BABAM2: variants seen among roughly 807,000 people sequenced by gnomAD.
BABAM2 encodes BRISC and BRCA1 A complex member 2.
BABAM2 carries 31 observed loss-of-function variants against 54.7 expected under a neutral mutation model. The observed-to-expected ratio is 0.57, with a 90% CI of 0.43 to 0.77. The LOEUF is 0.77. Ranked by LOEUF, BABAM2 falls within the 30% of genes least tolerant of loss-of-function variation. BABAM2 has a pLI of 0.00. For missense variants in BABAM2, 364 were observed against 455.8 expected, an observed-to-expected ratio of 0.80 and a Z score of 1.83; for synonymous variants, 167 against 162.9, an observed-to-expected ratio of 1.03 and a Z score of -0.19.
At chr2:27,917,935 AAATT>A (rs996955950) in intron 2 of BABAM2, among the ~76,000 whole-genome samples, 2 of 152,168 alleles carry the variant, frequency 1.3e-5, no homozygotes, top group African/African-American at 4.8e-5. Context: ...CTTTTGTCGT[AAATT>A]AAGTGTCCAG....
chr2:28,215,711 C>A (rs947780807), intron 7 of BABAM2, among the ~76,000 whole-genome samples: 1 of 152,154 alleles, frequency 6.6e-6, no homozygotes, highest in Admixed American at 6.6e-5. Flanking sequence ...CTTTCTCACT[C>A]CCTGTTTTTT....
At position 28,232,973 on chromosome 2, in the gene BABAM2, CT is replaced by C. The variant is rs147181744; in HGVS notation, c.681-4228del. 7.2e-3 allele frequency among the ~76,000 whole-genome samples: 1,095 copies of C among 152,306 alleles called. 8 individuals carry two copies. Among genetic ancestry groups the C allele is most frequent in the African/African-American group, 0.025 (1,040 of 41,562 alleles). On this transcript the variant is annotated intron_variant, in intron 7 of 11. Coordinates refer to ENST00000379624, the MANE Select transcript of BABAM2 (RefSeq NM_199191.3). Reference sequence around the variant, plus strand: ...TTCATTTTCATCTATTTAATTACCCCTACCACTGGAAAAGATTTTAAAACTC... The same window carrying C: ...TTCATTTTCATCTATTTAATTACCCCACCACTGGAAAAGATTTTAAAACTC...
intron 4 of BABAM2, among the ~76,000 whole-genome samples, chr2:28,008,725 G>C (rs1674154151): frequency 6.6e-6 from 1 of 152,100 alleles, no homozygotes; most frequent in Non-Finnish European, 1.5e-5. Context: ...TCCCCCCAGG[G>C]CACCAGTGAC....
chr2:28,220,418 C>G (rs1680295224), intron 7 of BABAM2, among the ~76,000 whole-genome samples: 1 of 152,114 alleles, frequency 6.6e-6, no homozygotes. Flanking sequence ...TGATGTTCTT[C>G]TAAATAGTAG....
At chr2:28,198,975 G>A (rs1573820741) in intron 7 of BABAM2, among the ~76,000 whole-genome samples, 1 of 152,204 alleles carries the variant, frequency 6.6e-6, no homozygotes, top group East Asian at 1.9e-4. Context: ...GGAAGGCCAG[G>A]CAATGTGGAT....
chr2:28,181,977 G>A (rs185505566), intron 7 of BABAM2, among the ~76,000 whole-genome samples: 10 of 152,158 alleles, frequency 6.6e-5, no homozygotes, highest in East Asian at 5.8e-4. Context: ...TCTCCAGGGC[G>A]GAGAATCTGT....
chr2:28,143,486 G>C (rs993701891), intron 7 of BABAM2, among the ~76,000 whole-genome samples: 1 of 152,112 alleles, frequency 6.6e-6, no homozygotes, highest in Non-Finnish European at 1.5e-5. Context: ...TTTGCTAAGA[G>C]AGTAGATTTT....
At position 28,237,372 on chromosome 2, in the gene BABAM2, T is replaced by C. The variant is rs1682009069; in HGVS notation, c.780+71T>C. 4 of 1,344,782 alleles carry C rather than the reference T, an allele frequency of 3.0e-6. No homozygotes were observed. In the South Asian group the frequency reaches 4.7e-5, roughly 16 times the overall value. The allele number at this position is 1,344,782 out of a possible 1,614,324, so 83.3% of individuals were successfully genotyped here. On this transcript the variant is annotated intron_variant, in intron 8 of 11. Transcript: ENST00000379624. ...CCAGTCCACCACGTACCCAAAATCA[T>C]CGTGCATGCTCCATCCTTCTCGGAC...
chr2:28,268,927 G>A (rs1558487815), intron 10 of BABAM2, among the ~76,000 whole-genome samples: 1 of 152,204 alleles, frequency 6.6e-6, no homozygotes, highest in Non-Finnish European at 1.5e-5. Flanking sequence ...TGTGATCCTT[G>A]CCAATGAAAG....
rs915303408 is a variant in BABAM2, at chr2:28,322,517, C to T, written c.1089-15933C>T. ...TTCCAGCAGGGTGAGGATCACCCCCCAGAAGTGCTGCTGGGCCAAGCCCTG... is the reference window on the plus strand; with the variant it reads ...TTCCAGCAGGGTGAGGATCACCCCCTAGAAGTGCTGCTGGGCCAAGCCCTG... On this transcript the variant is annotated intron_variant, in intron 11 of 11. Transcript: ENST00000379624. The surrounding 1 kb of genome is among the most constrained non-coding windows in gnomAD (Gnocchi z 4.1). Among the ~76,000 whole-genome samples the T allele has an allele frequency of 1.3e-5, 2 of 152,246 alleles. No individual in the cohort carries two copies. Among genetic ancestry groups the T allele is most frequent in the African/African-American group, 2.4e-5 (1 of 41,458 alleles).
intron 6 of BABAM2, among the ~76,000 whole-genome samples, chr2:28,065,736 C>T (rs918602374): frequency 2.0e-5 from 3 of 152,074 alleles, no homozygotes; most frequent in Non-Finnish European, 4.4e-5. Context: ...ATTTGCCCTG[C>T]CTGGTTTTGC....
intron 5 of BABAM2, among the ~76,000 whole-genome samples, chr2:28,034,389 G>A (rs1676512137): frequency 1.3e-5 from 2 of 152,190 alleles, no homozygotes; most frequent in Non-Finnish European, 2.9e-5. Flanking sequence ...AGAGAGTTAA[G>A]TAAATATGGA....
intron 10 of BABAM2, among the ~76,000 whole-genome samples, chr2:28,248,560 G>A (rs1405604559): frequency 1.3e-5 from 2 of 151,968 alleles, no homozygotes; most frequent in Admixed American, 6.6e-5. Flanking sequence ...ATAGCAAGGC[G>A]AAGTAACAGA....
At chr2:28,112,083 C>CTCTTTCTTTCTTTCTTTCTTTCCT (rs1668074365) in intron 6 of BABAM2, among the ~76,000 whole-genome samples, 4 of 98,812 alleles carry the variant, frequency 4.0e-5, no homozygotes, top group African/African-American at 1.4e-4. Context: ...ATACCCATTA[C>CTCTTTCTTTCTTTCTTTCTTTCCT]TCTTTCTTTC....
chr2:28,051,154 A>C (rs777141381), intron 6 of BABAM2, among the ~76,000 whole-genome samples: 10 of 152,258 alleles, frequency 6.6e-5, no homozygotes, highest in East Asian at 1.9e-4. Flanking sequence ...AGTAGTACTT[A>C]CTTGTTGGAT....
intron 6 of BABAM2, among the ~76,000 whole-genome samples, chr2:28,077,061 G>T (rs1349697734): frequency 6.6e-6 from 1 of 152,092 alleles, no homozygotes; most frequent in African/African-American, 2.4e-5. Flanking sequence ...ATTTTTAGAG[G>T]CTGACAGGCC....
chr2:27,929,879 A>T lies in BABAM2; in HGVS notation c.176A>T (p.His59Leu), dbSNP rs1318735323. ...PGPNCDRFKL[H>L]IPYAGETLKW... ...CCCAACTGTGACCGATTTAAACTGC[A>T]CATACCATATGCTGGAGAGACATTA... The change falls in exon 3 of 12, where the codon CAC (histidine) becomes CTC (leucine). Residue 59 changes from histidine (H) to leucine (L), a missense_variant. Transcript: ENST00000379624. 3.1e-6 allele frequency: 5 copies of T among 1,613,586 alleles called. No homozygotes were observed. Among genetic ancestry groups the T allele is most frequent in the Non-Finnish European group, 4.2e-6 (5 of 1,179,494 alleles).
chr2:28,285,743 T>C (rs1686738242), intron 10 of BABAM2, among the ~76,000 whole-genome samples: 1 of 152,044 alleles, frequency 6.6e-6, no homozygotes, highest in Non-Finnish European at 1.5e-5. Flanking sequence ...AAGTCTTTTT[T>C]TTTTTTAATG....
At chr2:27,901,729 C>T (rs1000408631) in intron 2 of BABAM2, among the ~76,000 whole-genome samples, 4 of 152,142 alleles carry the variant, frequency 2.6e-5, no homozygotes, top group Admixed American at 1.3e-4. Context: ...ACCTTGATTG[C>T]GCCCAATCTC....
Sources: allele counts gnomAD v4.1 joint callset (sites outside exome capture counted in the v4.1 genomes callset), GRCh38; gene constraint gnomAD v4.1.1; non-coding constraint Gnocchi (gnomAD v3.1); transcripts MANE v1.5; gene names NCBI Gene and HGNC (gene_info 2026-07-23, HGNC 2026-07-21).